Variants in PIP5K1B observed in about 807,000 individuals in gnomAD.
The protein encoded by PIP5K1B is phosphatidylinositol 4-phosphate 5-kinase type-1 beta.
Under a neutral mutation model 67.0 loss-of-function variants are expected in PIP5K1B, and 42 were observed. That is an observed-to-expected ratio of 0.63 (90% CI 0.49 to 0.81). The LOEUF is 0.81. Ranked by LOEUF, PIP5K1B falls within the 30% of genes least tolerant of loss-of-function variation. The pLI is 0.00. For missense variants in PIP5K1B, 459 were observed against 646.3 expected (o/e 0.71, Z 3.14); for synonymous variants, 214 against 231.4 (o/e 0.92, Z 0.68).
At chr9:68,728,531 C>T (rs1283942934) in intron 1 of PIP5K1B, among the ~76,000 whole-genome samples, 2 of 151,994 alleles carry the variant, frequency 1.3e-5, no homozygotes, top group Non-Finnish European at 2.9e-5. Context: ...CAGTTCATAA[C>T]AGATGAAGAC....
intron 7 of PIP5K1B, among the ~76,000 whole-genome samples, chr9:68,890,082 G>A (rs1338446938): frequency 6.6e-6 from 1 of 152,170 alleles, no homozygotes; most frequent in Non-Finnish European, 1.5e-5. Context: ...GGCTACGCAA[G>A]CAAAAGGGCT....
At chr9:68,851,468 G>A (rs541895243) in intron 4 of PIP5K1B, among the ~76,000 whole-genome samples, 1 of 152,324 alleles carries the variant, frequency 6.6e-6, no homozygotes, top group South Asian at 2.1e-4. Flanking sequence ...TGCAGATGCT[G>A]CAGAAATTAT....
At chr9:68,994,037 A>ATTTT (rs67700788) in intron 15 of PIP5K1B, among the ~76,000 whole-genome samples, 1,640 of 118,478 alleles carry the variant, frequency 0.014, 41 homozygotes, top group Non-Finnish European at 0.017. Context: ...TTTTTCCTGA[A>ATTTT]TTTTTTTTTT....
intron 1 of PIP5K1B, among the ~76,000 whole-genome samples, chr9:68,735,591 T>C (rs1238723559): frequency 1.3e-5 from 2 of 152,206 alleles, no homozygotes; most frequent in Non-Finnish European, 1.5e-5. Flanking sequence ...CGTTTAGCCA[T>C]GTTGGCCGAG....
chr9:68,968,021 TG>T (rs1829129839), intron 14 of PIP5K1B, among the ~76,000 whole-genome samples: 1 of 152,112 alleles, frequency 6.6e-6, no homozygotes, highest in African/African-American at 2.4e-5. Context: ...CACTATAATT[TG>T]TATTAATAGT....
At chr9:68,938,596 A>C (rs1827394333) in intron 13 of PIP5K1B, among the ~76,000 whole-genome samples, 1 of 152,146 alleles carries the variant, frequency 6.6e-6, no homozygotes, top group Non-Finnish European at 1.5e-5. Flanking sequence ...TTTATATTTA[A>C]GGTTAATATT....
At chr9:68,788,354 C>T (rs1478730506) in intron 2 of PIP5K1B, 1 of 946,304 alleles carries the variant, frequency 1.1e-6, no homozygotes, top group Non-Finnish European at 1.6e-6. Flanking sequence ...TATTTTATGC[C>T]CTTAAAGGGT....
chr9:68,940,144 A>G (rs1301394906), intron 13 of PIP5K1B, among the ~76,000 whole-genome samples: 1 of 152,224 alleles, frequency 6.6e-6, no homozygotes, highest in Non-Finnish European at 1.5e-5. Context: ...ATGGGCTCAG[A>G]TGGGGTTAAG....
intron 14 of PIP5K1B, among the ~76,000 whole-genome samples, chr9:68,986,686 T>C (rs1047935834): frequency 2.0e-5 from 3 of 152,240 alleles, no homozygotes; most frequent in Admixed American, 1.3e-4. Flanking sequence ...TCTGTAATCA[T>C]ACTATATTTT....
At chr9:68,856,756 G>C (rs1822798306) in intron 4 of PIP5K1B, among the ~76,000 whole-genome samples, 1 of 152,184 alleles carries the variant, frequency 6.6e-6, no homozygotes, top group Admixed American at 6.5e-5. Context: ...GACTGAATGG[G>C]GTTCTGAGGG....
chr9:68,807,506 A>G (rs1325986682), intron 2 of PIP5K1B, among the ~76,000 whole-genome samples: 2 of 152,176 alleles, frequency 1.3e-5, no homozygotes. Flanking sequence ...ACAGGCACAG[A>G]GCCCCCAGAC....
intron 2 of PIP5K1B, among the ~76,000 whole-genome samples, chr9:68,814,574 G>A (rs1008812136): frequency 1.3e-5 from 2 of 152,124 alleles, no homozygotes; most frequent in African/African-American, 4.8e-5. Context: ...CCAGCACTTT[G>A]GGAGACTGAG....
intron 4 of PIP5K1B, among the ~76,000 whole-genome samples, chr9:68,855,185 AAC>A (rs1339880013): frequency 2.6e-5 from 4 of 152,140 alleles, no homozygotes; most frequent in African/African-American, 9.7e-5. Flanking sequence ...CCTTTCTTCA[AAC>A]TCTCTTTTCT....
chr9:68,953,005 A>G (rs1564265134), intron 14 of PIP5K1B, among the ~76,000 whole-genome samples: 1 of 151,796 alleles, frequency 6.6e-6, no homozygotes, highest in Non-Finnish European at 1.5e-5. Context: ...GACCTTTTCA[A>G]CCTGCAAACT....
chr9:68,753,342 A>ATTTTTTTTTTTTTGAT (rs1829732358), intron 2 of PIP5K1B, among the ~76,000 whole-genome samples: 1 of 133,866 alleles, frequency 7.5e-6, no homozygotes, highest in African/African-American at 2.8e-5. Flanking sequence ...CATTTTCTTG[A>ATTTTTTTTTTTTTGAT]TTTTTTTTTT....
intron 12 of PIP5K1B, among the ~76,000 whole-genome samples, chr9:68,929,548 T>C (rs1826888755): frequency 6.6e-6 from 1 of 152,240 alleles, no homozygotes; most frequent in Non-Finnish European, 1.5e-5. Context: ...TTTTATTTCT[T>C]GTCACTATTC....
At chr9:68,767,743 G>A (rs2132411851) in intron 2 of PIP5K1B, among the ~76,000 whole-genome samples, 1 of 152,038 alleles carries the variant, frequency 6.6e-6, no homozygotes, top group South Asian at 2.1e-4. Context: ...AAACCTGTAT[G>A]GTCATCTTAA....
chr9:68,924,401 C>CGAAAAAAAAA (rs1341716504), intron 12 of PIP5K1B, among the ~76,000 whole-genome samples: 1 of 86,768 alleles, frequency 1.2e-5, no homozygotes, highest in Non-Finnish European at 2.2e-5. Flanking sequence ...CACTGCGCCT[C>CGAAAAAAAAA]AAAAAAAAAA....
intron 8 of PIP5K1B, among the ~76,000 whole-genome samples, chr9:68,912,771 T>A (rs1825914934): frequency 6.6e-6 from 1 of 152,156 alleles, no homozygotes; most frequent in Non-Finnish European, 1.5e-5. Flanking sequence ...CTGCTAGCAG[T>A]AAGACAGAAG....
Sources: gnomAD v4.1 joint callset for allele counts (sites outside exome capture counted in the v4.1 genomes callset) on GRCh38, gnomAD v4.1.1 for gene constraint, MANE v1.5 for transcripts, NCBI Gene and HGNC (gene_info 2026-07-23, HGNC 2026-07-21) for gene names.